The following BRINP3 variants were observed in gnomAD, a reference collection of about 807,000 sequenced individuals.
BRINP3 encodes BMP/retinoic acid inducible neural specific 3, also known as BMP/retinoic acid-inducible neural-specific protein 3.
Under a neutral mutation model 71.0 loss-of-function variants are expected in BRINP3, and 19 were observed. That is an observed-to-expected ratio of 0.27 (90% CI 0.19 to 0.39). The LOEUF is 0.39. BRINP3 is among the 10% of genes least tolerant of loss of function. The pLI is 1.00. For missense variants in BRINP3, 959 were observed against 940.8 expected (o/e 1.02, Z -0.25); for synonymous variants, 380 against 337.7 (o/e 1.13, Z -1.37).
In BRINP3 at chr1:190,152,491, A is replaced by AATATATAT. The variant is rs141753835; in HGVS notation, c.1184+8169_1184+8176dup. Among the ~76,000 whole-genome samples the AATATATAT allele has an allele frequency of 5.4e-4, 77 of 141,740 alleles. No homozygotes were observed. The East Asian group carries it at 6.9e-3, about 13-fold the overall frequency. The allele number at this position is 141,740 out of a possible 152,430, so 93.0% of individuals were successfully genotyped here. ...TTTTGAACTATTACATACATGCACA[A>AATATATAT]ATATATATATATATATATATCGCCA... On this transcript the variant is annotated intron_variant, in intron 7 of 7. Coordinates refer to ENST00000367462, the MANE Select transcript of BRINP3 (RefSeq NM_199051.3).
intron 2 of BRINP3, among the ~76,000 whole-genome samples, chr1:190,434,839 A>T (rs1674350023): frequency 6.6e-6 from 1 of 152,168 alleles, no homozygotes; most frequent in Middle Eastern, 3.4e-3. Context: ...ATATTTGCAA[A>T]GTTTGTTCAA....
intron 2 of BRINP3, among the ~76,000 whole-genome samples, chr1:190,339,516 A>G (rs961074566): frequency 1.3e-5 from 2 of 151,946 alleles, no homozygotes; most frequent in Admixed American, 6.6e-5. Flanking sequence ...AGGCAGATAA[A>G]TTACGTTAAA....
At chr1:190,225,123 A>G (rs1430055398) in intron 6 of BRINP3, among the ~76,000 whole-genome samples, 1 of 151,928 alleles carries the variant, frequency 6.6e-6, no homozygotes, top group Non-Finnish European at 1.5e-5. Context: ...TCACTACTGA[A>G]TATATATACA....
intron 3 of BRINP3, among the ~76,000 whole-genome samples, chr1:190,277,705 C>A (rs914763634): frequency 6.6e-6 from 1 of 151,454 alleles, no homozygotes; most frequent in Non-Finnish European, 1.5e-5. Context: ...TAGTATTTGT[C>A]ATATATTGAA....
chr1:190,322,037 T>C lies in BRINP3; in HGVS notation c.237-40287A>G, dbSNP rs181144198. On this transcript the variant is annotated intron_variant, in intron 2 of 7. Coordinates refer to ENST00000367462, the MANE Select transcript of BRINP3 (RefSeq NM_199051.3). ...AAATCTATTTTTATATATGTGTGCA[T>C]ATATATGTGTGCATATATATATGAT... Among the ~76,000 whole-genome samples, 4 of 151,992 alleles carry C rather than the reference T, an allele frequency of 2.6e-5. No homozygotes were observed. The East Asian group carries it at 7.8e-4, about 29-fold the overall frequency.
chr1:190,427,407 A>G (rs1320241621), intron 2 of BRINP3, among the ~76,000 whole-genome samples: 1 of 152,030 alleles, frequency 6.6e-6, no homozygotes, highest in East Asian at 1.9e-4. Flanking sequence ...TAAGTCATAC[A>G]GGTAAAATCA....
chr1:190,262,059 T>A lies in BRINP3; in HGVS notation c.618+2806A>T, dbSNP rs865813442. On this transcript the variant is annotated intron_variant, in intron 4 of 7. Coordinates refer to ENST00000367462, the MANE Select transcript of BRINP3 (RefSeq NM_199051.3). ...CCTTTTACCTGTGCAGGGACACATT[T>A]GATAAGTAATAAAAATAAAAGATAC... Among the ~76,000 whole-genome samples the A allele has an allele frequency of 2.6e-5, 4 of 152,262 alleles. No individual in the cohort carries two copies. The South Asian group carries it at 8.3e-4, about 32-fold the overall frequency.
At chr1:190,302,007 G>A (rs1473663955) in intron 2 of BRINP3, among the ~76,000 whole-genome samples, 1 of 151,266 alleles carries the variant, frequency 6.6e-6, no homozygotes, top group African/African-American at 2.4e-5. Context: ...TTTATTTTCT[G>A]AGTACTTTTA....
At chr1:190,175,997 T>G (rs1652474062) in intron 6 of BRINP3, among the ~76,000 whole-genome samples, 1 of 152,064 alleles carries the variant, frequency 6.6e-6, no homozygotes, top group Non-Finnish European at 1.5e-5. Context: ...GTAACATGTG[T>G]TTTTGTTTTG....
At chr1:190,276,652 C>T (rs902847837) in intron 3 of BRINP3, among the ~76,000 whole-genome samples, 1 of 151,396 alleles carries the variant, frequency 6.6e-6, no homozygotes, top group Non-Finnish European at 1.5e-5. Flanking sequence ...CACATACACA[C>T]ACACACACAT....
intron 2 of BRINP3, among the ~76,000 whole-genome samples, chr1:190,422,216 T>G: frequency 6.6e-6 from 1 of 151,816 alleles, no homozygotes; most frequent in East Asian, 1.9e-4. Context: ...ACGAAGCATT[T>G]AAAAGTGTGC....
chr1:190,221,882 A>G (rs1388169367), intron 6 of BRINP3, among the ~76,000 whole-genome samples: 1 of 152,172 alleles, frequency 6.6e-6, no homozygotes, highest in Non-Finnish European at 1.5e-5. Context: ...CAATAGTTTT[A>G]TGCCCAACAA....
intron 1 of BRINP3, among the ~76,000 whole-genome samples, chr1:190,459,098 A>G (rs1229887527): frequency 2.6e-5 from 4 of 151,358 alleles, no homozygotes; most frequent in Non-Finnish European, 5.9e-5. Context: ...TGAAAAGCAG[A>G]TATTTAGTAT....
rs770601298 is a variant in BRINP3, at chr1:190,322,875, C to A, written c.237-41125G>T. 4.6e-4 allele frequency among the ~76,000 whole-genome samples: 70 copies of A among 152,026 alleles called. 1 individual carries two copies. Among genetic ancestry groups the A allele is most frequent in the Non-Finnish European group, 5.1e-4 (35 of 67,972 alleles). On this transcript the variant is annotated intron_variant, in intron 2 of 7. Transcript: ENST00000367462. ...TTCTGAGTACTCATTAAGTTTCAAGCAGTAATGATTTCCTTCACATTAATT... is the reference window on the plus strand; with the variant it reads ...TTCTGAGTACTCATTAAGTTTCAAGAAGTAATGATTTCCTTCACATTAATT...
rs116297406 is a variant in BRINP3 at position 190,134,784 on chromosome 1, C to T, written c.1184+25884G>A. On this transcript the variant is annotated intron_variant, in intron 7 of 7. Coordinates refer to ENST00000367462, the MANE Select transcript of BRINP3 (RefSeq NM_199051.3). ...GGAGGGATATTAAATTTGCATAATG[C>T]GCAAACATTAAATATATGAGTAATA... 1.6e-3 allele frequency among the ~76,000 whole-genome samples: 237 copies of T among 152,120 alleles called. 1 individual carries two copies. The highest frequency in any genetic ancestry group is 5.5e-3 in the African/African-American group (228 of 41,516).
At chr1:190,155,581 A>G (rs1026880904) in intron 7 of BRINP3, among the ~76,000 whole-genome samples, 1 of 152,056 alleles carries the variant, frequency 6.6e-6, no homozygotes, top group Non-Finnish European at 1.5e-5. Flanking sequence ...TAGGAATTAT[A>G]CTATGATAGT....
chr1:190,420,216 C>T (rs1370879968), intron 2 of BRINP3, among the ~76,000 whole-genome samples: 3 of 151,856 alleles, frequency 2.0e-5, no homozygotes, highest in African/African-American at 7.2e-5. Context: ...CAATCTTTGG[C>T]CACAATTAAG....
At chr1:190,162,926 T>C (rs897776326) in intron 6 of BRINP3, among the ~76,000 whole-genome samples, 4 of 152,136 alleles carry the variant, frequency 2.6e-5, no homozygotes, top group Non-Finnish European at 5.9e-5. Flanking sequence ...TTGTGCACAG[T>C]ACATACAGAT....
intron 2 of BRINP3, among the ~76,000 whole-genome samples, chr1:190,411,686 A>G (rs1173864385): frequency 6.6e-6 from 1 of 152,226 alleles, no homozygotes; most frequent in Non-Finnish European, 1.5e-5. Context: ...CTAACATTTC[A>G]CTAAAATGAC....
Sources: allele counts gnomAD v4.1 joint callset (sites outside exome capture counted in the v4.1 genomes callset), GRCh38; gene constraint gnomAD v4.1.1; transcripts MANE v1.5; gene names NCBI Gene and HGNC (gene_info 2026-07-23, HGNC 2026-07-21).